The following CDON variants were observed in gnomAD, a reference collection of about 807,000 sequenced individuals.
CDON encodes the protein cell adhesion associated, oncogene regulated.
In CDON, 73 loss-of-function variants were observed where a neutral mutation model predicts 120.9. The observed-to-expected ratio is 0.60, with a 90% confidence interval of 0.50 to 0.73. The LOEUF (loss-of-function observed/expected upper bound fraction) is 0.73. Among genes scored for constraint, CDON ranks in the 30% least tolerant of loss-of-function variants. CDON has a pLI of 0.00. For synonymous variants in CDON, 566 were observed against 573.5 expected (o/e 0.99, Z 0.19); for missense variants, 1,470 against 1,587.3 (o/e 0.93, Z 1.26).
chr11:126,044,934 T>G (rs1300412545), intron 1 of CDON, among the ~76,000 whole-genome samples: 2 of 152,178 alleles, frequency 1.3e-5, no homozygotes. Context: ...CTAATTACCC[T>G]GATTTGATCA....
chr11:126,059,182 C>A (rs1948740640), intron 1 of CDON, among the ~76,000 whole-genome samples: 1 of 152,164 alleles, frequency 6.6e-6, no homozygotes, highest in Non-Finnish European at 1.5e-5. Context: ...CAAGACCAAA[C>A]AGTAAGATAA....
chr11:125,994,596 GT>G (rs1946725936), intron 13 of CDON, among the ~76,000 whole-genome samples: 1 of 152,120 alleles, frequency 6.6e-6, no homozygotes, highest in Non-Finnish European at 1.5e-5. Context: ...GTTTCCCTGG[GT>G]TCAAAAGCAT....
chr11:126,001,881 A>G (rs748409662), intron 10 of CDON, 31 bp from the exon 11 acceptor site: 3 of 1,495,966 alleles, frequency 2.0e-6, no homozygotes, highest in Non-Finnish European at 2.8e-6. Context: ...ATACAGTAAC[A>G]TAAGCATATA....
chr11:126,015,910 G>A (rs1011580224), intron 6 of CDON, among the ~76,000 whole-genome samples: 4 of 152,176 alleles, frequency 2.6e-5, no homozygotes, highest in Non-Finnish European at 5.9e-5. Flanking sequence ...TTACTCAGAG[G>A]TTAAATTATG....
intron 1 of CDON, among the ~76,000 whole-genome samples, chr11:126,030,571 T>C (rs535542719): frequency 5.2e-4 from 79 of 152,368 alleles, no homozygotes; most frequent in African/African-American, 1.9e-3. Context: ...TTATTCTGTA[T>C]GAAACATGGT....
At chr11:126,059,358 G>C (rs1565562826) in intron 1 of CDON, among the ~76,000 whole-genome samples, 1 of 152,114 alleles carries the variant, frequency 6.6e-6, no homozygotes, top group East Asian at 1.9e-4. Flanking sequence ...AATAAAGTCC[G>C]GACTAGCAAT....
chr11:125,975,616 G>T (rs1423195137), intron 18 of CDON, among the ~76,000 whole-genome samples: 1 of 152,158 alleles, frequency 6.6e-6, no homozygotes, highest in Non-Finnish European at 1.5e-5. Flanking sequence ...ATGGGCATCA[G>T]TACCATCTGC....
In CDON at chr11:125,985,331, G is replaced by A. The variant is rs192554418; in HGVS notation, c.2774-1238C>T. ...TGGGATTACACACATGTGCCCCCACGCACGGATAATTTTTTTGATATTTTT... is the reference window on the plus strand; with the variant it reads ...TGGGATTACACACATGTGCCCCCACACACGGATAATTTTTTTGATATTTTT... On this transcript the variant is annotated intron_variant, in intron 15 of 19. Transcript: ENST00000531738. 5.3e-5 allele frequency among the ~76,000 whole-genome samples: 8 copies of A among 152,200 alleles called. No homozygotes were observed. In the South Asian group the frequency reaches 6.2e-4, roughly 12 times the overall value.
At chr11:126,036,641 A>G (rs546255184) in intron 1 of CDON, among the ~76,000 whole-genome samples, 1 of 152,212 alleles carries the variant, frequency 6.6e-6, no homozygotes, top group Non-Finnish European at 1.5e-5. Context: ...TGTGCACAAC[A>G]TGAGGGTTTC....
chr11:125,994,248 G>A (rs367971831), intron 14 of CDON, 36 bp downstream of exon 14: 7 of 1,039,506 alleles, frequency 6.7e-6, no homozygotes, highest in South Asian at 1.3e-5. Context: ...TCTCCAAAGC[G>A]CCTTTACAGG....
At chr11:126,023,617 C>T in intron 1 of CDON, 80 bp from the exon 2 acceptor site, 1 of 717,590 alleles carries the variant, frequency 1.4e-6, no homozygotes, top group Admixed American at 2.0e-5. Flanking sequence ...ATGACGGCTG[C>T]CATCTATTTT....
In CDON at chr11:125,961,806, G is replaced by A. The variant is rs2276061; in HGVS notation, c.3549C>T (p.Val1183=). 488,083 of 1,613,642 alleles carry A rather than the reference G, an allele frequency of 0.3. 75,680 individuals carry two copies. The highest frequency in any genetic ancestry group is 0.32 in the South Asian group (28,951 of 91,056). The change falls in exon 19 of 20, where the codon GTC becomes GTT. Residue 1183 remains valine, a synonymous_variant. Coordinates refer to ENST00000531738, the MANE Select transcript of CDON (RefSeq NM_001378964.1). The stretch of plus-strand genomic sequence containing the variant: ...CCTGACAGCAGGTACGCTGAGTAGG[G>A]ACTGGTTCCACATTGTCCTTGACGC... ...EESVKDNVEP[V]PTQRTCCQDI... is the part of the protein sequence containing the mutation.
In CDON at chr11:126,010,652, G is replaced by C. The variant is rs1947273205; in HGVS notation, c.1241C>G (p.Ala414Gly). 3.7e-6 allele frequency: 6 copies of C among 1,614,012 alleles called. No individual in the cohort carries two copies. Among genetic ancestry groups the C allele is most frequent in the Non-Finnish European group, 4.2e-6 (5 of 1,180,010 alleles). ...AACAAAGTCTCCGTCTGCAACCTTT[G>C]CACTTACTGGTGCCGTAATTATAAC... ...KPVIITAPVS[A>G]KVADGDFVTL... The change falls in exon 8 of 20, where the codon GCA becomes GGA. Residue 414 changes from alanine (A) to glycine (G), a missense_variant. By Grantham distance (60) the Ala-to-Gly change is moderately conservative. Coordinates refer to ENST00000531738, the MANE Select transcript of CDON (RefSeq NM_001378964.1).
rs571950982 is a variant in CDON, at chr11:125,978,757, C to T, written c.3277-374G>A. On this transcript the variant is annotated intron_variant, in intron 17 of 19. Coordinates refer to ENST00000531738, the MANE Select transcript of CDON (RefSeq NM_001378964.1). ...CATTCATTTTCCCTTTCTTGGCAGT[C>T]AGGGAAGAATTTCATGTGATACCAG... 5.3e-5 allele frequency among the ~76,000 whole-genome samples: 8 copies of T among 152,294 alleles called. No homozygotes were observed. The South Asian group carries it at 6.2e-4, about 12-fold the overall frequency.
intron 15 of CDON, among the ~76,000 whole-genome samples, chr11:125,984,363 T>C (rs1465636994): frequency 6.6e-6 from 1 of 152,242 alleles, no homozygotes; most frequent in Non-Finnish European, 1.5e-5. Flanking sequence ...ATTATCTGCT[T>C]AACTGTACTT....
chr11:126,047,915 TGG>T (rs1480120284), intron 1 of CDON, among the ~76,000 whole-genome samples: 6 of 152,202 alleles, frequency 3.9e-5, no homozygotes, highest in Non-Finnish European at 8.8e-5. Flanking sequence ...AATAAGGATG[TGG>T]ATGTCTTTCA....
chr11:125,992,235 T>G (rs532846145), intron 14 of CDON, among the ~76,000 whole-genome samples: 1 of 152,238 alleles, frequency 6.6e-6, no homozygotes, highest in African/African-American at 2.4e-5. Flanking sequence ...TGGAGGACAA[T>G]CACTATTAGG....
In CDON at chr11:126,055,720, C is replaced by A. The variant is rs191011531; in HGVS notation, c.-62+6859G>T. On this transcript the variant is annotated intron_variant, in intron 1 of 19. Coordinates refer to ENST00000531738, the MANE Select transcript of CDON (RefSeq NM_001378964.1). ...TGTAGGAATGAATAAATAACTGGGC[C>A]AACAAATGGCTTCAGATGTGTACCT... Among the ~76,000 whole-genome samples the A allele has an allele frequency of 3.4e-4, 52 of 152,166 alleles. 1 individual carries two copies. The highest frequency in any genetic ancestry group is 1.6e-3 in the Admixed American group (24 of 15,284).
intron 1 of CDON, among the ~76,000 whole-genome samples, chr11:126,054,552 A>T (rs1948640443): frequency 1.3e-5 from 2 of 152,116 alleles, no homozygotes; most frequent in Admixed American, 1.3e-4. Flanking sequence ...TTACGAGCAA[A>T]ATCGTGTGTT....
Sources: allele counts gnomAD v4.1 joint callset (sites outside exome capture counted in the v4.1 genomes callset), GRCh38; gene constraint gnomAD v4.1.1; transcripts MANE v1.5; gene names NCBI Gene and HGNC (gene_info 2026-07-23, HGNC 2026-07-21).